NAV2: variants seen among roughly 807,000 people sequenced by gnomAD.
NAV2 encodes helicase, APC down-regulated 1.
Under a neutral mutation model 223.2 loss-of-function variants are expected in NAV2, and 54 were observed. That is an observed-to-expected ratio of 0.24 (90% CI 0.19 to 0.30). NAV2 has a LOEUF of 0.30. Ranked by LOEUF, NAV2 falls within the 10% of genes least tolerant of loss-of-function variation. The pLI is 1.00. For missense variants in NAV2, 2,806 were observed against 3,147.5 expected (o/e 0.89, Z 2.60); for synonymous variants, 1,279 against 1,239.3 (o/e 1.03, Z -0.67).
intron 6 of NAV2, among the ~76,000 whole-genome samples, chr11:19,927,023 A>G (rs1348633930): frequency 6.6e-6 from 1 of 152,252 alleles, no homozygotes; most frequent in Non-Finnish European, 1.5e-5. Context: ...TTTAGAAAGC[A>G]TTTTGGTTCC....
At chr11:19,450,605 A>C (rs1037268808) in intron 1 of NAV2, among the ~76,000 whole-genome samples, 2 of 152,182 alleles carry the variant, frequency 1.3e-5, no homozygotes, top group Non-Finnish European at 2.9e-5. Context: ...TATTAATAAA[A>C]ATATCAGAAA....
chr11:19,793,490 G>T (rs1295619902), intron 1 of NAV2, among the ~76,000 whole-genome samples: 1 of 152,156 alleles, frequency 6.6e-6, no homozygotes, highest in Non-Finnish European at 1.5e-5. Flanking sequence ...AGCATGCCCA[G>T]CACTAGCACT....
Position 19,455,332 on chromosome 11 carries a change from C to T in NAV2, c.75+104305C>T, listed in dbSNP as rs1851924111. On this transcript the variant is annotated intron_variant, in intron 1 of 37. Coordinates refer to the NAV2 transcript ENST00000360655. ...TGGAGACCAGCTTGGAGTCTGTTTA[C>T]CATATCCCTAGCACCTAGAACCACA... Among the ~76,000 whole-genome samples the T allele has an allele frequency of 2.6e-5, 4 of 152,152 alleles. No individual in the cohort carries two copies. In the South Asian group the frequency reaches 6.2e-4, roughly 24 times the overall value.
intron 1 of NAV2, among the ~76,000 whole-genome samples, chr11:19,576,382 G>T (rs1315271718): frequency 6.6e-6 from 1 of 152,062 alleles, no homozygotes; most frequent in African/African-American, 2.4e-5. Context: ...GAAACCACTC[G>T]CTTCTTACTC....
At chr11:19,424,897 A>T (rs1431022453) in intron 1 of NAV2, among the ~76,000 whole-genome samples, 3 of 152,190 alleles carry the variant, frequency 2.0e-5, no homozygotes, top group Non-Finnish European at 4.4e-5. Flanking sequence ...ATTTAAAAAT[A>T]AAAATATTTA....
intron 1 of NAV2, among the ~76,000 whole-genome samples, chr11:19,355,991 T>C (rs1260573569): frequency 1.3e-5 from 2 of 152,234 alleles, no homozygotes; most frequent in East Asian, 3.8e-4. Context: ...CCAGATGAGC[T>C]GAAATGCTTG....
chr11:19,739,036 C>G (rs1166131630), intron 1 of NAV2, among the ~76,000 whole-genome samples: 2 of 152,108 alleles, frequency 1.3e-5, no homozygotes, highest in Non-Finnish European at 2.9e-5. Context: ...CAAAAATTAG[C>G]TGGGCATAGT....
rs2052156368 is a variant in NAV2 at position 19,998,389 on chromosome 11, A to T, written c.2768+14142A>T. On this transcript the variant is annotated intron_variant, in intron 11 of 37. Transcript: ENST00000349880. The surrounding 1 kb of genome is among the most constrained non-coding windows in gnomAD (Gnocchi z 5.0). ...TCTCCCACTGCAGCCTTCCAGGCCC[A>T]CTGTACCCACCAGGGCCTTCATGCG... Among the ~76,000 whole-genome samples the T allele has an allele frequency of 6.6e-6, 1 of 151,950 alleles. No homozygotes were observed. Among genetic ancestry groups the T allele is most frequent in the African/African-American group, 2.4e-5 (1 of 41,356 alleles).
At chr11:19,708,225 G>GA (rs545120449), upstream of NAV2, among the ~76,000 whole-genome samples, 31 of 152,304 alleles carry the variant, frequency 2.0e-4, no homozygotes, top group South Asian at 5.2e-3. Context: ...TCTGCAGTAT[G>GA]AGATGGGTGG....
rs370797915 is a variant in NAV2 at position 19,684,466 on chromosome 11, C to G, written c.76-148018C>G. ...AAAGGTCATTCTTGGTGGCCCACAA[C>G]TCTCAGAAGAGGGGCAGCTGCTCAG... On this transcript the variant is annotated intron_variant, in intron 1 of 37. Transcript: ENST00000360655. 2.1e-4 allele frequency among the ~76,000 whole-genome samples: 32 copies of G among 152,258 alleles called. No individual in the cohort carries two copies. The East Asian group carries it at 4.3e-3, about 20-fold the overall frequency.
chr11:19,566,030 A>ATATTTTATTTTATTTTATTTTATTT (rs1252750763), intron 1 of NAV2, among the ~76,000 whole-genome samples: 20 of 95,792 alleles, frequency 2.1e-4, no homozygotes, highest in African/African-American at 7.5e-4. Context: ...CTATCCAAGG[A>ATATTTTATTTTATTTTATTTTATTT]GATTTTATTT....
At chr11:19,608,163 G>A (rs888807647) in intron 1 of NAV2, among the ~76,000 whole-genome samples, 1 of 152,198 alleles carries the variant, frequency 6.6e-6, no homozygotes, top group African/African-American at 2.4e-5. Context: ...CAGAGCAAAT[G>A]AGAGGCTTGG....
chr11:19,965,585 A>G (rs1362353278), intron 10 of NAV2, among the ~76,000 whole-genome samples: 1 of 152,194 alleles, frequency 6.6e-6, no homozygotes, highest in Non-Finnish European at 1.5e-5. Context: ...TTCTGATCCC[A>G]ATGCCCATCC....
At chr11:19,956,365 T>TAC (rs113677958) in intron 10 of NAV2, among the ~76,000 whole-genome samples, 9,793 of 103,662 alleles carry the variant, frequency 0.094, 437 homozygotes, top group South Asian at 0.15. Context: ...CCGACACACA[T>TAC]ACACACACAC....
intron 1 of NAV2, among the ~76,000 whole-genome samples, chr11:19,370,817 G>A (rs1220293192): frequency 6.6e-6 from 1 of 152,212 alleles, no homozygotes; most frequent in African/African-American, 2.4e-5. Context: ...AAGGGGACAT[G>A]CACCAGGAGA....
chr11:19,432,726 T>G (rs1851079698), intron 1 of NAV2, among the ~76,000 whole-genome samples: 1 of 152,182 alleles, frequency 6.6e-6, no homozygotes, highest in Non-Finnish European at 1.5e-5. Flanking sequence ...TGCACTGAAT[T>G]CTAGATTTCC....
rs748638717 is a variant in NAV2, at chr11:20,049,068, G to A, written c.4243G>A (p.Asp1415Asn). Residue 1415 changes from aspartate (D) to asparagine (N), a missense_variant, in exon 15 of 38, where the codon GAC (aspartate) becomes AAC (asparagine). Coordinates refer to ENST00000349880, the MANE Select transcript of NAV2 (RefSeq NM_145117.5). Reference sequence around the variant, plus strand: ...CCTCCACACCAGCTGTGAGTCCATCGACATCTCCCTCAGCAGTGGAGGGGT... The same window carrying A: ...CCTCCACACCAGCTGTGAGTCCATCAACATCTCCCTCAGCAGTGGAGGGGT... The part of the protein sequence containing the change: ...SSLHTSCESI[D>N]ISLSSGGVPS... 9 of 1,614,046 alleles carry A rather than the reference G, an allele frequency of 5.6e-6. No homozygotes were observed. Among genetic ancestry groups the A allele is most frequent in the Admixed American group, 1.7e-5 (1 of 60,016 alleles).
intron 1 of NAV2, among the ~76,000 whole-genome samples, chr11:19,357,668 AAATT>A (rs1247757032): frequency 6.6e-6 from 1 of 152,176 alleles, no homozygotes; most frequent in African/African-American, 2.4e-5. Context: ...AGGTCACATA[AAATT>A]CCTTCTGGTT....
At chr11:19,588,422 C>T (rs1325359556) in intron 1 of NAV2, among the ~76,000 whole-genome samples, 1 of 152,176 alleles carries the variant, frequency 6.6e-6, no homozygotes, top group African/African-American at 2.4e-5. Context: ...AGCTTGTGAG[C>T]CAACCCACTT....
Sources: gnomAD v4.1 joint callset for allele counts (sites outside exome capture counted in the v4.1 genomes callset) on GRCh38, gnomAD v4.1.1 for gene constraint, Gnocchi (gnomAD v3.1) non-coding constraint, MANE v1.5 for transcripts, NCBI Gene and HGNC (gene_info 2026-07-23, HGNC 2026-07-21) for gene names.